XRRA1: variants seen among roughly 807,000 people sequenced by gnomAD.
XRRA1 encodes the protein X-ray radiation resistance associated 1.
In XRRA1, 69 loss-of-function variants were observed where a neutral mutation model predicts 80.2. The observed-to-expected ratio is 0.86, with a 90% confidence interval of 0.71 to 1.05. The LOEUF is 1.05. Among genes scored for constraint, XRRA1 ranks in the 50% least tolerant of loss-of-function variants. XRRA1 has a pLI of 0.00. For missense variants in XRRA1, 967 were observed against 976.4 expected (o/e 0.99, Z 0.13); for synonymous variants, 348 against 389.9 (o/e 0.89, Z 1.27).
intron 7 of XRRA1, among the ~76,000 whole-genome samples, chr11:74,925,902 G>C (rs1942099754): frequency 6.6e-6 from 1 of 152,164 alleles, no homozygotes; most frequent in Admixed American, 6.5e-5. Flanking sequence ...ACAAATAAAT[G>C]CAAGTTCTTA....
At chr11:74,886,944 T>C (rs1019118188) in intron 10 of XRRA1, among the ~76,000 whole-genome samples, 5 of 152,168 alleles carry the variant, frequency 3.3e-5, no homozygotes, top group African/African-American at 1.2e-4. Flanking sequence ...TTTGACAAAG[T>C]TGATGAACAT....
At chr11:74,876,995 T>C (rs1170117862) in intron 10 of XRRA1, 5 of 152,240 alleles carry the variant, frequency 3.3e-5, no homozygotes, top group Non-Finnish European at 7.3e-5. Flanking sequence ...AAATTTAAGA[T>C]GGAAATTATC....
intron 2 of XRRA1, among the ~76,000 whole-genome samples, chr11:74,944,062 T>C (rs546643): frequency 0.34 from 51,647 of 152,080 alleles, 9,640 homozygotes; most frequent in Middle Eastern, 0.43. Context: ...GCTCAAGCCA[T>C]CCACCCACCT....
intron 8 of XRRA1, among the ~76,000 whole-genome samples, chr11:74,910,551 T>C (rs2055643570): frequency 6.6e-6 from 1 of 151,670 alleles, no homozygotes; most frequent in South Asian, 2.1e-4. Flanking sequence ...ATAGATGAGG[T>C]ATATGATGAA....
At chr11:74,849,575 A>G (rs2039254877) in intron 14 of XRRA1, among the ~76,000 whole-genome samples, 2 of 152,146 alleles carry the variant, frequency 1.3e-5, no homozygotes, top group Non-Finnish European at 2.9e-5. Context: ...GCTGGCGGGA[A>G]GGGACAGTTC....
chr11:74,843,195 C>CA lies in XRRA1; in HGVS notation c.*4dup. 6.4e-7 allele frequency: 1 copy of CA among 1,552,406 alleles called. No individual in the cohort carries two copies. Among genetic ancestry groups the CA allele is most frequent in the Non-Finnish European group, 8.7e-7 (1 of 1,147,508 alleles). Reference sequence around the variant, plus strand: ...GGGTGGTGCACACAGCCCCCATGCACAGCTCTAGCCTTGTGAGTCACTGGC... The same window carrying CA: ...GGGTGGTGCACACAGCCCCCATGCACAAGCTCTAGCCTTGTGAGTCACTGGC... On this transcript the variant is annotated 3_prime_UTR_variant, in exon 19 of 19. Coordinates refer to ENST00000684022, the MANE Select transcript of XRRA1 (RefSeq NM_001378157.1).
chr11:74,921,289 A>G lies in XRRA1; in HGVS notation c.581T>C (p.Leu194Pro). The change falls in exon 8 of 19, where the codon CTG becomes CCG. Residue 194 changes from leucine to proline, a missense_variant. Physicochemically the swap from Leu to Pro is moderately conservative, Grantham distance 98. Transcript: ENST00000684022. ...GAGGAGCAGGACACGGAGGTGTGGC[A>G]GAATCCCCAAATCACAGATGGCCTC... Reference protein sequence around the residue: ...TVEAICDLGILPHLRVLLLTG... With the variant: ...TVEAICDLGIPPHLRVLLLTG... 6.2e-7 allele frequency: 1 copy of G among 1,614,056 alleles called. No homozygotes were observed. Among genetic ancestry groups the G allele is most frequent in the Non-Finnish European group, 8.5e-7 (1 of 1,179,888 alleles).
intron 11 of XRRA1, among the ~76,000 whole-genome samples, chr11:74,860,376 C>A (rs1373134304): frequency 6.6e-6 from 1 of 152,164 alleles, no homozygotes; most frequent in Admixed American, 6.5e-5. Flanking sequence ...CTACTTGGAG[C>A]AAGGCTGTGT....
chr11:74,931,131 C>CGTGTGTGTGT (rs61614618), intron 5 of XRRA1, among the ~76,000 whole-genome samples: 1,597 of 149,488 alleles, frequency 0.011, 19 homozygotes, highest in Middle Eastern at 0.049. Flanking sequence ...TATGCTTATA[C>CGTGTGTGTGT]GTGTGTGTGT....
intron 6 of XRRA1, among the ~76,000 whole-genome samples, chr11:74,928,644 A>G (rs1942813641): frequency 6.6e-6 from 1 of 152,182 alleles, no homozygotes; most frequent in African/African-American, 2.4e-5. Context: ...AATTACTTAG[A>G]GCCTTCTAAG....
intron 10 of XRRA1, among the ~76,000 whole-genome samples, chr11:74,869,564 T>A (rs1380947125): frequency 6.6e-6 from 1 of 152,202 alleles, no homozygotes; most frequent in Admixed American, 6.5e-5. Context: ...TCTTTTCTTT[T>A]TTTGTTAATA....
chr11:74,865,232 C>T (rs752568958), intron 10 of XRRA1, among the ~76,000 whole-genome samples: 1 of 152,176 alleles, frequency 6.6e-6, no homozygotes, highest in Non-Finnish European at 1.5e-5. Context: ...GACACATGCC[C>T]CTCTGAGCCA....
At chr11:74,936,860 A>C in intron 4 of XRRA1, 24 bp downstream of exon 4, 1 of 1,604,128 alleles carries the variant, frequency 6.2e-7, no homozygotes, top group Non-Finnish European at 8.5e-7. Flanking sequence ...TGTGCTGGCC[A>C]CTCCAGGATG....
intron 10 of XRRA1, among the ~76,000 whole-genome samples, chr11:74,897,162 TAACA>T (rs1222538888): frequency 6.6e-6 from 1 of 152,046 alleles, no homozygotes; most frequent in Non-Finnish European, 1.5e-5. Context: ...CAGATAAATT[TAACA>T]AACAGATCGA....
In XRRA1 at chr11:74,848,381, T is replaced by C. The variant is rs12291445; in HGVS notation, c.1462A>G (p.Lys488Glu). 2.1e-3 allele frequency: 3,430 copies of C among 1,613,890 alleles called. 80 individuals carry two copies. In the African/African-American group the frequency reaches 0.04, roughly 19 times the overall value. ...PRMTTTKSPS[K>E]DMLEPEAELA... ...TCTGCCTCTGGCTCTAGCATATCCT[T>C]TGAGGGAGACTTGGTTGTCGTCATG... is the stretch of plus-strand genomic sequence containing the variant. Residue 488 changes from lysine (K) to glutamate (E), a missense_variant, in exon 15 of 19, where the codon AAG becomes GAG. Transcript: ENST00000684022.
chr11:74,931,661 T>C (rs1479307423), intron 5 of XRRA1: 2 of 152,228 alleles, frequency 1.3e-5, no homozygotes, highest in Non-Finnish European at 2.9e-5. Flanking sequence ...TAGTATTCCA[T>C]TGTTTGAATA....
At chr11:74,923,617 C>T (rs1006624554) in intron 7 of XRRA1, among the ~76,000 whole-genome samples, 4 of 152,294 alleles carry the variant, frequency 2.6e-5, no homozygotes, top group East Asian at 3.9e-4. Context: ...TACCACTTAG[C>T]TTAAAACCCT....
chr11:74,934,229 CA>C (rs1944390389), intron 4 of XRRA1, among the ~76,000 whole-genome samples: 1 of 152,162 alleles, frequency 6.6e-6, no homozygotes, highest in Non-Finnish European at 1.5e-5. Flanking sequence ...CTTACTAATC[CA>C]AATCTGTAAT....
At position 74,927,854 on chromosome 11, in the gene XRRA1, A is replaced by G. The variant is rs192247876; in HGVS notation, c.425-366T>C. Among the ~76,000 whole-genome samples the G allele has an allele frequency of 4.2e-3, 636 of 152,380 alleles. 6 individuals carry two copies. Among genetic ancestry groups the G allele is most frequent in the Admixed American group, 0.011 (170 of 15,310 alleles). On this transcript the variant is annotated intron_variant, in intron 6 of 18. Transcript: ENST00000684022. ...AACAGTCAAACATCACAGAAAAATA[A>G]AAAGTTCTGTTTAATCCCAACATCC...
Sources: allele counts gnomAD v4.1 joint callset (sites outside exome capture counted in the v4.1 genomes callset), GRCh38; gene constraint gnomAD v4.1.1; transcripts MANE v1.5; gene names NCBI Gene and HGNC (gene_info 2026-07-23, HGNC 2026-07-21).